HIVEP3: variants seen among roughly 807,000 people sequenced by gnomAD.
HIVEP3 encodes the protein HIVEP zinc finger 3.
Under a neutral mutation model 152.8 loss-of-function variants are expected in HIVEP3, and 49 were observed. That is an observed-to-expected ratio of 0.32 (90% CI 0.26 to 0.41). The LOEUF (loss-of-function observed/expected upper bound fraction) is 0.41. HIVEP3 is among the 10% of genes least tolerant of loss of function. HIVEP3 has a pLI of 1.00. For synonymous variants in HIVEP3, 1,269 were observed against 1,289.0 expected (o/e 0.98, Z 0.33); for missense variants, 2,790 against 3,103.3 (o/e 0.90, Z 2.40).
At chr1:41,571,980 C>T (rs1644257131) in intron 5 of HIVEP3, among the ~76,000 whole-genome samples, 1 of 152,184 alleles carries the variant, frequency 6.6e-6, no homozygotes, top group South Asian at 2.1e-4. Flanking sequence ...CACTGAGTCA[C>T]TGACTACTTC....
intron 1 of HIVEP3, among the ~76,000 whole-genome samples, chr1:41,755,382 C>T (rs1647262975): frequency 6.6e-6 from 1 of 152,002 alleles, no homozygotes; most frequent in Admixed American, 6.6e-5. Context: ...ATTTTCAGGA[C>T]CTAGAGCCCA....
At chr1:41,782,731 CAA>C (rs10714772) in intron 1 of HIVEP3, among the ~76,000 whole-genome samples, 114 of 113,540 alleles carry the variant, frequency 1.0e-3, no homozygotes, top group Admixed American at 1.8e-3. Context: ...GACTCCATCT[CAA>C]AAAAAAAAAA....
chr1:41,628,206 C>A (rs1209211102), intron 3 of HIVEP3, among the ~76,000 whole-genome samples: 1 of 152,144 alleles, frequency 6.6e-6, no homozygotes, highest in Admixed American at 6.5e-5. Context: ...TTGCCCCAAC[C>A]CTGACATCTT....
intron 2 of HIVEP3, among the ~76,000 whole-genome samples, chr1:41,630,825 G>A (rs987949606): frequency 6.6e-6 from 1 of 152,186 alleles, no homozygotes; most frequent in Non-Finnish European, 1.5e-5. Context: ...CTAAATTGGA[G>A]GAGATTTGTT....
intron 1 of HIVEP3, among the ~76,000 whole-genome samples, chr1:41,976,329 C>G (rs1229171689): frequency 1.3e-5 from 2 of 152,170 alleles, no homozygotes; most frequent in Non-Finnish European, 2.9e-5. Flanking sequence ...AGGGGATGAG[C>G]AATTGGCTCA....
chr1:41,777,451 G>T (rs1648775274), intron 1 of HIVEP3, among the ~76,000 whole-genome samples: 1 of 152,170 alleles, frequency 6.6e-6, no homozygotes, highest in African/African-American at 2.4e-5. Context: ...TCATGGGGCA[G>T]ACCAACAGAG....
chr1:41,922,766 T>C (rs1644947937), upstream of HIVEP3, among the ~76,000 whole-genome samples: 1 of 137,586 alleles, frequency 7.3e-6, no homozygotes, highest in Non-Finnish European at 1.6e-5. Context: ...AAAATCTCAA[T>C]GGAAACAGGT....
In HIVEP3 at chr1:41,832,146, T is replaced by C. The variant is rs1406092957; in HGVS notation, c.-801+86267A>G. Among the ~76,000 whole-genome samples the C allele has an allele frequency of 3.9e-5, 6 of 152,292 alleles. No individual in the cohort carries two copies. In the South Asian group the frequency reaches 1.0e-3, roughly 26 times the overall value. On this transcript the variant is annotated intron_variant, in intron 1 of 8. Coordinates refer to ENST00000372583, the MANE Select transcript of HIVEP3 (RefSeq NM_024503.5). ...TCTAGCCTATGGCTCAGGCTTTCAG[T>C]TGTAAAAGTACAGAAGAAGGAACTC...
At chr1:41,944,687 C>T (rs1395417977) in intron 1 of HIVEP3, among the ~76,000 whole-genome samples, 2 of 152,134 alleles carry the variant, frequency 1.3e-5, no homozygotes, top group African/African-American at 4.8e-5. Context: ...TGCAGGACTG[C>T]TACATCAGTG....
upstream of HIVEP3, among the ~76,000 whole-genome samples, chr1:41,923,343 G>A (rs140243258): frequency 3.4e-3 from 522 of 152,214 alleles, 3 homozygotes; most frequent in African/African-American, 0.012. Context: ...GTGAAAACAC[G>A]GATAAACCTA....
intron 1 of HIVEP3, among the ~76,000 whole-genome samples, chr1:41,884,688 G>T (rs1164178336): frequency 6.6e-6 from 1 of 152,242 alleles, no homozygotes; most frequent in Non-Finnish European, 1.5e-5. Flanking sequence ...GAGGAAAGCA[G>T]AGCTGAGAGA....
intron 1 of HIVEP3, among the ~76,000 whole-genome samples, chr1:41,720,978 G>C (rs1646665412): frequency 6.6e-6 from 1 of 152,220 alleles, no homozygotes; most frequent in Non-Finnish European, 1.5e-5. Flanking sequence ...CTTAGACGTA[G>C]TGTCTAAAAT....
chr1:41,716,143 C>T (rs1001343598), intron 1 of HIVEP3, among the ~76,000 whole-genome samples: 2 of 152,202 alleles, frequency 1.3e-5, no homozygotes, highest in African/African-American at 4.8e-5. Flanking sequence ...AAGTCTTAGC[C>T]TCTGAGGCCA....
chr1:42,005,047 C>T (rs1321771743), intron 1 of HIVEP3, among the ~76,000 whole-genome samples: 1 of 152,162 alleles, frequency 6.6e-6, no homozygotes, highest in African/African-American at 2.4e-5. Flanking sequence ...GGACACTCCA[C>T]CTTAGGGACT....
intron 1 of HIVEP3, among the ~76,000 whole-genome samples, chr1:41,716,967 G>T (rs144222006): frequency 6.6e-6 from 1 of 152,258 alleles, no homozygotes; most frequent in African/African-American, 2.4e-5. Context: ...TGTGGAAGAC[G>T]AGTATGTTTA....
At chr1:42,032,980 G>A (rs191415819) in intron 1 of HIVEP3, among the ~76,000 whole-genome samples, 3 of 152,240 alleles carry the variant, frequency 2.0e-5, no homozygotes, top group Admixed American at 2.0e-4. Context: ...TTGGTGCACA[G>A]TTTGTGAAGC....
At chr1:41,747,053 C>T (rs887852384) in intron 1 of HIVEP3, among the ~76,000 whole-genome samples, 1 of 152,152 alleles carries the variant, frequency 6.6e-6, no homozygotes, top group Non-Finnish European at 1.5e-5. Flanking sequence ...TCCCATTTTG[C>T]AGATGAGGAA....
At chr1:41,640,664 G>C (rs771556739) in intron 2 of HIVEP3, among the ~76,000 whole-genome samples, 3 of 152,202 alleles carry the variant, frequency 2.0e-5, no homozygotes, top group Admixed American at 6.5e-5. Flanking sequence ...CCGCAAGAAG[G>C]CTTCTAAATC....
At chr1:41,965,757 G>C (rs1342145140) in intron 1 of HIVEP3, among the ~76,000 whole-genome samples, 2 of 152,242 alleles carry the variant, frequency 1.3e-5, no homozygotes, top group South Asian at 4.1e-4. Context: ...CGACTGATTG[G>C]GGTACCTGAA....
Sources: allele counts gnomAD v4.1 joint callset (sites outside exome capture counted in the v4.1 genomes callset), GRCh38; gene constraint gnomAD v4.1.1; transcripts MANE v1.5; gene names NCBI Gene and HGNC (gene_info 2026-07-23, HGNC 2026-07-21).